Variants in ZNF490 observed in about 807,000 individuals in gnomAD.
ZNF490 encodes the protein zinc finger protein 490.
A neutral mutation model predicts 17.7 loss-of-function variants in ZNF490; 11 were observed. The ratio of observed to expected loss-of-function variants is 0.62; its 90% confidence interval spans 0.39 to 1.03. The LOEUF is 1.03. Among genes scored for constraint, ZNF490 ranks in the 50% least tolerant of loss-of-function variants. The probability of loss-of-function intolerance (pLI) is 0.00; values close to 1 mark genes in which losing one functional copy is unlikely to be tolerated. For synonymous variants in ZNF490, 222 were observed against 216.1 expected, an observed-to-expected ratio of 1.03 and a Z score of -0.24; for missense variants, 542 against 643.4, an observed-to-expected ratio of 0.84 and a Z score of 1.71.
In ZNF490 at chr19:12,580,793, G is replaced by T. The variant is rs887128871; in HGVS notation, c.1282C>A (p.Leu428Ile). 3 of 1,614,010 alleles carry T rather than the reference G, an allele frequency of 1.9e-6. No individual in the cohort carries two copies. Among genetic ancestry groups the T allele is most frequent in the Non-Finnish European group, 2.5e-6 (3 of 1,180,036 alleles). Reference protein sequence around the residue: ...YECKECGKAFLYSTHFRIHER... With the variant: ...YECKECGKAFIYSTHFRIHER... ...TGGATTCGAAAGTGAGTGGAATAAAGAAAGGCTTTACCACATTCTTTACAT... is the reference window on the plus strand; with the variant it reads ...TGGATTCGAAAGTGAGTGGAATAAATAAAGGCTTTACCACATTCTTTACAT... Residue 428 changes from leucine to isoleucine, a missense_variant, in exon 5 of 5, where the codon CTT becomes ATT. Physicochemically the swap from Leu to Ile is conservative, Grantham distance 5. Coordinates refer to ENST00000311437, the MANE Select transcript of ZNF490 (RefSeq NM_020714.3).
intron 2 of ZNF490, among the ~76,000 whole-genome samples, chr19:12,605,957 C>T (rs979511527): frequency 4.0e-5 from 6 of 151,718 alleles, no homozygotes; most frequent in South Asian, 4.1e-4. Flanking sequence ...CTTGGCTCAC[C>T]GCAACCTCCA....
At chr19:12,600,386 A>G (rs1488233882) in intron 2 of ZNF490, among the ~76,000 whole-genome samples, 1 of 151,942 alleles carries the variant, frequency 6.6e-6, no homozygotes, top group African/African-American at 2.4e-5. Flanking sequence ...AGAAAAGAAA[A>G]GAATTGGGTT....
chr19:12,583,791 C>CTATATATA (rs1267957541), intron 2 of ZNF490, among the ~76,000 whole-genome samples: 2 of 68,136 alleles, frequency 2.9e-5, no homozygotes, highest in Non-Finnish European at 5.0e-5. Context: ...CTCTCTCTCT[C>CTATATATA]TATATATATA....
intron 2 of ZNF490, among the ~76,000 whole-genome samples, chr19:12,594,615 A>G (rs2022912028): frequency 6.6e-6 from 1 of 152,200 alleles, no homozygotes; most frequent in Admixed American, 6.6e-5. Context: ...TGCAAGTCAC[A>G]GCATAAATGG....
chr19:12,589,708 CAA>C (rs1442797430), intron 2 of ZNF490, among the ~76,000 whole-genome samples: 1 of 151,612 alleles, frequency 6.6e-6, no homozygotes, highest in East Asian at 1.9e-4. Flanking sequence ...CCGCAAGCAG[CAA>C]AGACTATAGG....
At chr19:12,610,192 T>A (rs2023129071) in intron 1 of ZNF490, among the ~76,000 whole-genome samples, 1 of 118,740 alleles carries the variant, frequency 8.4e-6, no homozygotes, top group Non-Finnish European at 1.7e-5. Context: ...TACGGATTGT[T>A]TTTTCTTTCT....
At chr19:12,582,958 G>C (rs532531693) in intron 3 of ZNF490, 48 bp from the exon 4 acceptor site, 15 of 1,469,756 alleles carry the variant, frequency 1.0e-5, no homozygotes, top group African/African-American at 1.4e-5. Context: ...AGAAATTATA[G>C]AAAATTATAA....
chr19:12,582,761 G>T, intron 4 of ZNF490, 89 bp downstream of exon 4: 2 of 1,129,392 alleles, frequency 1.8e-6, no homozygotes, highest in Non-Finnish European at 2.7e-6. Context: ...CTGAAACTCT[G>T]CTTATTGTTT....
intron 1 of ZNF490, 45 bp downstream of exon 1, chr19:12,610,519 C>T (rs201710455): frequency 1.0e-4 from 145 of 1,442,114 alleles, no homozygotes; most frequent in Non-Finnish European, 1.2e-4. Context: ...ACAAGGGTCA[C>T]TATTCCACGA....
chr19:12,593,684 A>C (rs1188752667), intron 2 of ZNF490, among the ~76,000 whole-genome samples: 1 of 152,192 alleles, frequency 6.6e-6, no homozygotes, highest in South Asian at 2.1e-4. Context: ...CCTTGAATCT[A>C]GTCCTTTATT....
intron 2 of ZNF490, chr19:12,597,379 T>C: frequency 3.2e-6 from 1 of 310,526 alleles, no homozygotes. Flanking sequence ...CCCTGACCCC[T>C]GAGTGACAGC....
At position 12,601,735 on chromosome 19, in the gene ZNF490, G is replaced by A. The variant is rs570787351; in HGVS notation, c.162+7423C>T. ...AGGCCAGGTGCGGTGGCATAGGCCT[G>A]TAATCCCAGCACTTTGGGAGGCCAA... On this transcript the variant is annotated intron_variant, in intron 2 of 4. Transcript: ENST00000311437. Among the ~76,000 whole-genome samples, 7 of 152,256 alleles carry A rather than the reference G, an allele frequency of 4.6e-5. No homozygotes were observed. The East Asian group carries it at 1.4e-3, about 29-fold the overall frequency.
At position 12,607,381 on chromosome 19, in the gene ZNF490, C is replaced by A. The variant is rs189513575; in HGVS notation, c.162+1777G>T. On this transcript the variant is annotated intron_variant, in intron 2 of 4. Coordinates refer to ENST00000311437, the MANE Select transcript of ZNF490 (RefSeq NM_020714.3). ...AAAAAAAGAATTTTTTTAAAATTAG[C>A]CAAGCGTGGTGGCGCACACCTAGTC... Among the ~76,000 whole-genome samples, 66 of 151,888 alleles carry A rather than the reference C, an allele frequency of 4.3e-4. No homozygotes were observed. The East Asian group carries it at 0.01, about 23-fold the overall frequency.
intron 2 of ZNF490, among the ~76,000 whole-genome samples, chr19:12,608,407 C>T: frequency 6.6e-6 from 1 of 152,082 alleles, no homozygotes; most frequent in Admixed American, 6.6e-5. Context: ...TCCCGAGGAC[C>T]TGGGACTATG....
chr19:12,577,718 T>C lies in ZNF490; in HGVS notation c.*2767A>G, dbSNP rs796856045. Reference sequence around the variant, plus strand: ...GCTGCCACCTGACCCATCCCTGCTGTTGGGGGAGGGTGGAGGCCAGAGGCC... The same window carrying C: ...GCTGCCACCTGACCCATCCCTGCTGCTGGGGGAGGGTGGAGGCCAGAGGCC... On this transcript the variant is annotated 3_prime_UTR_variant, in exon 5 of 5. Coordinates refer to ENST00000311437, the MANE Select transcript of ZNF490 (RefSeq NM_020714.3). 8.2e-5 allele frequency: 81 copies of C among 985,456 alleles called. 1 individual carries two copies. In the African/African-American group the frequency reaches 1.3e-3, roughly 15 times the overall value. The allele number at this position is 985,456 out of a possible 1,614,324, so 61.0% of individuals were successfully genotyped here. A position where few individuals can be genotyped will look rare whatever the true frequency, so the allele number is the denominator to read the frequency against.
chr19:12,605,507 A>G (rs1345563508), intron 2 of ZNF490, among the ~76,000 whole-genome samples: 2 of 152,078 alleles, frequency 1.3e-5, no homozygotes, highest in African/African-American at 2.4e-5. Context: ...ACACTTTGTA[A>G]TAAATGGGTG....
intron 2 of ZNF490, among the ~76,000 whole-genome samples, chr19:12,595,629 G>C (rs575237958): frequency 1.1e-3 from 161 of 151,608 alleles, no homozygotes; most frequent in Admixed American, 2.4e-3. Flanking sequence ...GTAGGTTATG[G>C]GCCTCACCCA....
Position 12,578,872 on chromosome 19 carries a change from A to G in ZNF490, c.*1613T>C. ...TTAATTCTTCCTACGAAGAATCTCGACAATGGTTGCAGATGTCATTGAAGA... is the reference window on the plus strand; with the variant it reads ...TTAATTCTTCCTACGAAGAATCTCGGCAATGGTTGCAGATGTCATTGAAGA... On this transcript the variant is annotated 3_prime_UTR_variant, in exon 5 of 5. Coordinates refer to ENST00000311437, the MANE Select transcript of ZNF490 (RefSeq NM_020714.3). The G allele has an allele frequency of 1.0e-6, 1 of 985,428 alleles. No homozygotes were observed. Among genetic ancestry groups the G allele is most frequent in the Non-Finnish European group, 1.2e-6 (1 of 829,928 alleles). 61.0% of individuals were successfully genotyped at this position (985,428 alleles called of 1,614,324 possible).
chr19:12,578,781 T>C lies in ZNF490; in HGVS notation c.*1704A>G. 1.0e-6 allele frequency: 1 copy of C among 985,420 alleles called. No homozygotes were observed. Among genetic ancestry groups the C allele is most frequent in the Non-Finnish European group, 1.2e-6 (1 of 829,934 alleles). 61.0% of individuals were successfully genotyped at this position (985,420 alleles called of 1,614,324 possible). On this transcript the variant is annotated 3_prime_UTR_variant, in exon 5 of 5. Coordinates refer to ENST00000311437, the MANE Select transcript of ZNF490 (RefSeq NM_020714.3). ...AGGGCAGGCACTGCCCTAGAGGGTG[T>C]TTCCTAACTTCTGACTGGATGCCAC...
Sources: gnomAD v4.1 joint callset for allele counts (sites outside exome capture counted in the v4.1 genomes callset) on GRCh38, gnomAD v4.1.1 for gene constraint, MANE v1.5 for transcripts, NCBI Gene and HGNC (gene_info 2026-07-23, HGNC 2026-07-21) for gene names.